STX7: variants seen among roughly 807,000 people sequenced by gnomAD.
STX7 encodes syntaxin 7.
In STX7, 34 loss-of-function variants were observed where a neutral mutation model predicts 39.6. The ratio of observed to expected loss-of-function variants is 0.86; its 90% CI spans 0.65 to 1.14. STX7 has a LOEUF of 1.14. Among genes scored for constraint, STX7 ranks in the 50% most tolerant of loss-of-function variants. STX7 has a pLI of 0.00. For missense variants in STX7, 284 were observed against 310.4 expected (o/e 0.92, Z 0.64); for synonymous variants, 119 against 99.1 (o/e 1.20, Z -1.19).
chr6:132,508,135 C>T (rs751784905), intron 1 of STX7, among the ~76,000 whole-genome samples: 1 of 152,232 alleles, frequency 6.6e-6, no homozygotes, highest in Non-Finnish European at 1.5e-5. Context: ...TCTGTTCTTG[C>T]AGCTGCAGGA....
chr6:132,487,462 C>T (rs184934285), intron 2 of STX7, among the ~76,000 whole-genome samples: 1 of 152,194 alleles, frequency 6.6e-6, no homozygotes, highest in African/African-American at 2.4e-5. Context: ...GAACATCACA[C>T]ACCAGGGCCT....
intron 1 of STX7, among the ~76,000 whole-genome samples, chr6:132,504,487 A>G (rs1019238961): frequency 3.9e-5 from 6 of 152,204 alleles, no homozygotes; most frequent in African/African-American, 9.6e-5. Flanking sequence ...TGCATACAGA[A>G]CTGCGCACAG....
chr6:132,468,364 C>T, intron 8 of STX7, 39 bp downstream of exon 8: 1 of 1,502,194 alleles, frequency 6.7e-7, no homozygotes, highest in Non-Finnish European at 9.2e-7. Flanking sequence ...GTGCATGTAG[C>T]TTGCTCTCAC....
chr6:132,499,180 C>A lies in STX7; in HGVS notation c.85+4266G>T, dbSNP rs553904986. On this transcript the variant is annotated intron_variant, in intron 2 of 9. Coordinates refer to ENST00000367941, the MANE Select transcript of STX7 (RefSeq NM_003569.3). ...ATTTCCTTTGCAATTATACGCTTAC[C>A]AGAATTTCTCTGTTGCAGTGTAAAA... Among the ~76,000 whole-genome samples the A allele has an allele frequency of 6.0e-4, 91 of 152,308 alleles. 2 individuals carry two copies. In the South Asian group the frequency reaches 0.019, roughly 31 times the overall value.
chr6:132,488,569 G>GT (rs11343212), intron 2 of STX7, among the ~76,000 whole-genome samples: 1 of 151,802 alleles, frequency 6.6e-6, no homozygotes, highest in Non-Finnish European at 1.5e-5. Context: ...GGAGTTCTCA[G>GT]TTTTTTTTAA....
rs1327400197 is a variant in STX7, at chr6:132,455,433, T to C, written c.*5325A>G. The C allele has an allele frequency of 3.3e-5, 5 of 152,220 alleles. No individual in the cohort carries two copies. The allele number at this position is 152,220 out of a possible 1,614,324, so 9.4% of individuals were successfully genotyped here. ...AGTAAACACTTAAAAATTTGTACTT[T>C]GGGTTGGCCAAAGTGGGAATTAATG... On this transcript the variant is annotated 3_prime_UTR_variant, in exon 10 of 10. Coordinates refer to ENST00000367941, the MANE Select transcript of STX7 (RefSeq NM_003569.3).
At chr6:132,496,897 G>A (rs1582677085) in intron 2 of STX7, among the ~76,000 whole-genome samples, 2 of 152,152 alleles carry the variant, frequency 1.3e-5, no homozygotes, top group South Asian at 4.1e-4. Context: ...GAATTGCAAA[G>A]TAAATCATGA....
chr6:132,498,931 C>T (rs754671996), intron 2 of STX7, among the ~76,000 whole-genome samples: 31 of 152,178 alleles, frequency 2.0e-4, no homozygotes, highest in South Asian at 8.3e-4. Context: ...GGCCCCAAAT[C>T]TTAAATGTAT....
rs374002485 is a variant in STX7, at chr6:132,470,674, A to G, written c.388-48T>C. 1,228 of 1,333,324 alleles carry G rather than the reference A, an allele frequency of 9.2e-4. 1 individual carries two copies. The highest frequency in any genetic ancestry group is 1.2e-3 in the Non-Finnish European group (1,150 of 934,908). The allele number at this position is 1,333,324 out of a possible 1,614,324, so 82.6% of individuals were successfully genotyped here. A position where few individuals can be genotyped will look rare whatever the true frequency, so the allele number is the denominator to read the frequency against. On this transcript the variant is annotated intron_variant, in intron 5 of 9. Coordinates refer to ENST00000367941, the MANE Select transcript of STX7 (RefSeq NM_003569.3). ...GGAATGAGAAGGGGCAAAAAAAGCA[A>G]AAATGAGAAAAAATAAACACTCATA...
chr6:132,474,836 G>A (rs1307977477), intron 3 of STX7, among the ~76,000 whole-genome samples: 1 of 152,100 alleles, frequency 6.6e-6, no homozygotes, highest in African/African-American at 2.4e-5. Flanking sequence ...ACTGGAATAT[G>A]TACTATATAA....
At chr6:132,494,309 T>C (rs1349629057) in intron 2 of STX7, among the ~76,000 whole-genome samples, 2 of 152,142 alleles carry the variant, frequency 1.3e-5, no homozygotes, top group African/African-American at 4.8e-5. Flanking sequence ...TAAAATTATG[T>C]GTAAATACTT....
chr6:132,474,279 G>A (rs1208545160), intron 3 of STX7, among the ~76,000 whole-genome samples: 1 of 137,148 alleles, frequency 7.3e-6, no homozygotes, highest in Admixed American at 7.6e-5. Context: ...TATATATTCA[G>A]AATCTTCATT....
chr6:132,463,962 G>C (rs1387827391), intron 9 of STX7, 31 bp downstream of exon 9: 2 of 1,604,832 alleles, frequency 1.2e-6, no homozygotes, highest in Non-Finnish European at 1.7e-6. Flanking sequence ...AAAAGGATAA[G>C]TTATAAGAAA....
At chr6:132,475,988 A>C (rs1346267330) in intron 2 of STX7, among the ~76,000 whole-genome samples, 2 of 152,174 alleles carry the variant, frequency 1.3e-5, no homozygotes, top group Non-Finnish European at 2.9e-5. Context: ...CTAGCATAAA[A>C]ATTGTGAGGA....
intron 2 of STX7, among the ~76,000 whole-genome samples, chr6:132,502,578 C>A (rs1156907659): frequency 6.6e-6 from 1 of 152,180 alleles, no homozygotes; most frequent in African/African-American, 2.4e-5. Context: ...CATCAGTCTA[C>A]TGGTAATCTA....
rs978482665 is a variant in STX7 at position 132,447,245 on chromosome 6, A to G, written c.*13513T>C. The stretch of plus-strand genomic sequence containing the variant: ...GACATTGATTAGCTGACTGACATAG[A>G]GCGTTTCTTATCAGTCAACAAAACT... On this transcript the variant is annotated 3_prime_UTR_variant, in exon 10 of 10. Transcript: ENST00000367941. 1 of 152,200 alleles carries G rather than the reference A, an allele frequency of 6.6e-6. No homozygotes were observed. The highest frequency in any genetic ancestry group is 1.5e-5 in the Non-Finnish European group (1 of 68,026). The allele number at this position is 152,200 out of a possible 1,614,324, so 9.4% of individuals were successfully genotyped here. A position where few individuals can be genotyped will look rare whatever the true frequency, so the allele number is the denominator to read the frequency against.
At position 132,508,766 on chromosome 6, in the gene STX7, C is replaced by T. The variant is rs1481535325; in HGVS notation, c.-59+4241G>A. 5.4e-4 allele frequency among the ~76,000 whole-genome samples: 82 copies of T among 152,110 alleles called. 2 individuals are homozygous for T. On this transcript the variant is annotated intron_variant, in intron 1 of 9. Transcript: ENST00000367941. ...GGCTCATGCGATCCTCCAGTCTCAG[C>T]CTCCCAAAGTGCTGGGATTACAGGT... is the stretch of plus-strand genomic sequence containing the variant.
intron 3 of STX7, among the ~76,000 whole-genome samples, chr6:132,474,384 G>A (rs1774817598): frequency 6.6e-6 from 1 of 151,784 alleles, no homozygotes; most frequent in Admixed American, 6.6e-5. Flanking sequence ...ATTTAGATTT[G>A]GAGCATTTTT....
In STX7 at chr6:132,457,484, G is replaced by A. The variant is rs1157445628; in HGVS notation, c.*3274C>T. 6.6e-6 allele frequency: 1 copy of A among 152,178 alleles called. No homozygotes were observed. The highest frequency in any genetic ancestry group is 1.5e-5 in the Non-Finnish European group (1 of 68,030). 9.4% of individuals were successfully genotyped at this position (152,178 alleles called of 1,614,324 possible). ...CTTAATTGATTTATAAATTATGTTA[G>A]GGTAGTTGTTAAACAGAATTTTGTC... On this transcript the variant is annotated 3_prime_UTR_variant, in exon 10 of 10. Transcript: ENST00000367941.
Sources: gnomAD v4.1 joint callset for allele counts (sites outside exome capture counted in the v4.1 genomes callset) on GRCh38, gnomAD v4.1.1 for gene constraint, MANE v1.5 for transcripts, NCBI Gene and HGNC (gene_info 2026-07-23, HGNC 2026-07-21) for gene names.